The following PARD3 variants were observed in gnomAD, a reference collection of about 807,000 sequenced individuals.
The protein encoded by PARD3 is par-3 family cell polarity regulator.
PARD3 carries 75 observed loss-of-function variants against 155.4 expected under a neutral mutation model. The ratio of observed to expected loss-of-function variants is 0.48; its 90% confidence interval spans 0.40 to 0.58. PARD3 has a LOEUF of 0.58. Among genes scored for constraint, PARD3 ranks in the 20% least tolerant of loss-of-function variants. The pLI, the probability that PARD3 is intolerant of heterozygous loss-of-function variation, is 0.00. For synonymous variants in PARD3, 576 were observed against 610.5 expected (o/e 0.94, Z 0.83); for missense variants, 1,642 against 1,721.7 (o/e 0.95, Z 0.82).
chr10:34,135,422 C>A (rs1471026219), intron 22 of PARD3, among the ~76,000 whole-genome samples: 1 of 152,236 alleles, frequency 6.6e-6, no homozygotes, highest in Non-Finnish European at 1.5e-5. Flanking sequence ...GGATCACACA[C>A]TACAGAGATT....
At position 34,696,413 on chromosome 10, in the gene PARD3, T is replaced by C. The variant is rs753973112; in HGVS notation, c.127A>G (p.Asn43Asp). 15 of 1,592,772 alleles carry C rather than the reference T, an allele frequency of 9.4e-6. No homozygotes were observed. Among genetic ancestry groups the C allele is most frequent in the Non-Finnish European group, 1.2e-5 (14 of 1,160,836 alleles). ...RYRKAIAKDPNYWIQVHRLEH... is the reference protein window; with the variant it reads ...RYRKAIAKDPDYWIQVHRLEH... The stretch of plus-strand genomic sequence containing the variant: ...AAGCGATGCACCTGTATCCAGTAGT[T>C]TGGATCCTATACGAAAGAACAGAAA... Residue 43 changes from asparagine to aspartate, a missense_variant, in exon 2 of 25, where the codon AAC (asparagine) becomes GAC (aspartate). Asn to Asp is a conservative substitution (Grantham distance 23). Around this residue, in one of 3 missense-constraint regions of PARD3, gnomAD observed 75 missense variants for 65.3 expected, o/e 1.15. Transcript: ENST00000374788.
chr10:34,582,451 G>T (rs79794533), intron 2 of PARD3, among the ~76,000 whole-genome samples: 1 of 152,146 alleles, frequency 6.6e-6, no homozygotes, highest in Non-Finnish European at 1.5e-5. Context: ...ATGACTCATG[G>T]GAACAAATAT....
At chr10:34,427,835 T>C (rs929551843) in intron 5 of PARD3, among the ~76,000 whole-genome samples, 2 of 152,068 alleles carry the variant, frequency 1.3e-5, no homozygotes, top group Non-Finnish European at 2.9e-5. Context: ...CGTTGAATTA[T>C]CGGGGACAGG....
intron 22 of PARD3, among the ~76,000 whole-genome samples, chr10:34,267,640 T>C (rs372536593): frequency 3.3e-5 from 5 of 152,212 alleles, no homozygotes; most frequent in Admixed American, 2.6e-4. Context: ...TCTGCAAACC[T>C]CTATTAAAAA....
intron 2 of PARD3, among the ~76,000 whole-genome samples, chr10:34,558,694 G>A (rs553422082): frequency 6.6e-6 from 1 of 152,196 alleles, no homozygotes; most frequent in Non-Finnish European, 1.5e-5. Context: ...ACTTTGGGAG[G>A]CTGAGGTGGG....
intron 22 of PARD3, among the ~76,000 whole-genome samples, chr10:34,189,325 A>G (rs909027124): frequency 1.3e-5 from 2 of 152,218 alleles, no homozygotes; most frequent in African/African-American, 4.8e-5. Flanking sequence ...GCAAGACTCT[A>G]CATTACAAAA....
chr10:34,661,451 G>C (rs1215734744), intron 2 of PARD3, among the ~76,000 whole-genome samples: 1 of 152,184 alleles, frequency 6.6e-6, no homozygotes, highest in East Asian at 1.9e-4. Context: ...CAAATTTGAT[G>C]AAAGAACATG....
chr10:34,289,275 C>T (rs1241221372), intron 20 of PARD3, among the ~76,000 whole-genome samples: 13 of 152,048 alleles, frequency 8.5e-5, no homozygotes, highest in Admixed American at 5.9e-4. Context: ...CTGCAACCTC[C>T]GCCTCCCAGG....
intron 22 of PARD3, among the ~76,000 whole-genome samples, chr10:34,165,670 G>T (rs1281983424): frequency 6.6e-6 from 1 of 152,148 alleles, no homozygotes; most frequent in Non-Finnish European, 1.5e-5. Flanking sequence ...CCTGTTTTTG[G>T]TCTTCACATT....
intron 1 of PARD3, among the ~76,000 whole-genome samples, chr10:34,811,300 G>C (rs1430106686): frequency 6.6e-6 from 1 of 152,122 alleles, no homozygotes; most frequent in Non-Finnish European, 1.5e-5. Context: ...CTGACCCCCT[G>C]GGCTGAATGC....
chr10:34,300,278 T>C (rs1257145762), intron 20 of PARD3, among the ~76,000 whole-genome samples: 1 of 152,118 alleles, frequency 6.6e-6, no homozygotes. Context: ...AGTCTGGAAA[T>C]GTATGTGAGT....
At chr10:34,498,383 A>G (rs762875027) in intron 3 of PARD3, among the ~76,000 whole-genome samples, 12 of 152,222 alleles carry the variant, frequency 7.9e-5, no homozygotes, top group Non-Finnish European at 2.9e-5. Context: ...TATTTAAGAC[A>G]TATTAGTCAC....
intron 12 of PARD3, among the ~76,000 whole-genome samples, chr10:34,365,732 C>T (rs1200235354): frequency 6.6e-6 from 1 of 152,108 alleles, no homozygotes; most frequent in Admixed American, 6.6e-5. Context: ...GGACTAAAGG[C>T]GTGAGCCACT....
In PARD3 at chr10:34,231,489, A is replaced by T. The variant is rs890518164; in HGVS notation, c.3419+38168T>A. Among the ~76,000 whole-genome samples the T allele has an allele frequency of 4.6e-5, 7 of 152,170 alleles. No homozygotes were observed. In the South Asian group the frequency reaches 1.5e-3, roughly 32 times the overall value. On this transcript the variant is annotated intron_variant, in intron 22 of 24. Coordinates refer to ENST00000374788, the MANE Select transcript of PARD3 (RefSeq NM_001184785.2). ...TGTGGCTTACAGATGATCATCTTTC[A>T]GGTCCATCTCTAACTGACGCAATTT...
At chr10:34,332,863 C>G (rs1268143495) in intron 18 of PARD3, among the ~76,000 whole-genome samples, 1 of 152,036 alleles carries the variant, frequency 6.6e-6, no homozygotes, top group African/African-American at 2.4e-5. Flanking sequence ...TTTTTGACAA[C>G]TGCATTTTCT....
chr10:34,570,624 G>A (rs1184763232), intron 2 of PARD3, among the ~76,000 whole-genome samples: 4 of 152,088 alleles, frequency 2.6e-5, no homozygotes, highest in South Asian at 2.1e-4. Context: ...TAAAAATCAC[G>A]GAGAACTCCA....
At chr10:34,793,240 G>A (rs565454506) in intron 1 of PARD3, among the ~76,000 whole-genome samples, 61 of 152,300 alleles carry the variant, frequency 4.0e-4, no homozygotes, top group African/African-American at 1.3e-3. Context: ...GGAAAAGGAG[G>A]GGCAGAGTAT....
intron 5 of PARD3, among the ~76,000 whole-genome samples, chr10:34,430,833 A>C (rs766290970): frequency 1.3e-5 from 2 of 152,226 alleles, no homozygotes; most frequent in African/African-American, 2.4e-5. Context: ...TGCCTCAGAA[A>C]GTCAAATCTA....
At chr10:34,579,552 C>CTGTGTG (rs1316450167) in intron 2 of PARD3, among the ~76,000 whole-genome samples, 199 of 62,502 alleles carry the variant, frequency 3.2e-3, no homozygotes, top group African/African-American at 8.4e-3. Context: ...CTACCATTTT[C>CTGTGTG]TCTGTGTGTG....
Sources: allele counts gnomAD v4.1 joint callset (sites outside exome capture counted in the v4.1 genomes callset), GRCh38; gene constraint gnomAD v4.1.1; regional missense constraint gnomAD v4.1.1; transcripts MANE v1.5; gene names NCBI Gene and HGNC (gene_info 2026-07-23, HGNC 2026-07-21).